Variants in NTSR1 observed in about 807,000 individuals in gnomAD.
NTSR1 encodes neurotensin receptor type 1.
NTSR1 carries 29 observed loss-of-function variants against 31.2 expected under a neutral mutation model. That is an observed-to-expected ratio of 0.93 (90% CI 0.69 to 1.27). The LOEUF is 1.27. Among genes scored for constraint, NTSR1 ranks in the 50% most tolerant of loss-of-function variants. The probability of loss-of-function intolerance (pLI) is 0.00; values close to 1 mark genes in which losing one functional copy is unlikely to be tolerated. For synonymous variants in NTSR1, 282 were observed against 269.9 expected (o/e 1.04, Z -0.44); for missense variants, 697 against 595.4 (o/e 1.17, Z -1.78).
chr20:62,747,854 T>C (rs1180415817), intron 1 of NTSR1, among the ~76,000 whole-genome samples: 1 of 152,214 alleles, frequency 6.6e-6, no homozygotes, highest in East Asian at 1.9e-4. Flanking sequence ...GTTGTGTTTC[T>C]ATACACTAGC....
chr20:62,713,929 A>C (rs1269156427), intron 1 of NTSR1, among the ~76,000 whole-genome samples: 1 of 152,150 alleles, frequency 6.6e-6, no homozygotes, highest in Non-Finnish European at 1.5e-5. Context: ...GCGAAAACCC[A>C]TCTCTACTAA....
chr20:62,749,525 A>G (rs536160217), intron 1 of NTSR1, among the ~76,000 whole-genome samples: 1 of 152,370 alleles, frequency 6.6e-6, no homozygotes, highest in Admixed American at 6.5e-5. Context: ...AGCAACATAA[A>G]TGAGACTACA....
chr20:62,721,176 A>C (rs1299359105), intron 1 of NTSR1, among the ~76,000 whole-genome samples: 2 of 152,094 alleles, frequency 1.3e-5, no homozygotes, highest in Non-Finnish European at 2.9e-5. Context: ...TAGAATTTTT[A>C]TTGGTTCTTT....
In NTSR1 at chr20:62,748,369, G is replaced by A. The variant is rs559145407; in HGVS notation, c.715-6316G>A. On this transcript the variant is annotated intron_variant, in intron 1 of 3. Transcript: ENST00000370501. ...TTCATACTACCCAAAGTGATCTACA[G>A]ATTCAGTGCAATCCCTATCAAAATT... 8.5e-5 allele frequency among the ~76,000 whole-genome samples: 13 copies of A among 152,106 alleles called. No homozygotes were observed. In the South Asian group the frequency reaches 2.7e-3, roughly 32 times the overall value.
rs532939395 is a variant in NTSR1, at chr20:62,714,108, CAGA to C, written c.714+4193_714+4195del. 1.4e-3 allele frequency among the ~76,000 whole-genome samples: 207 copies of C among 152,288 alleles called. 3 individuals carry two copies. The highest frequency in any genetic ancestry group is 4.8e-3 in the African/African-American group (198 of 41,554). On this transcript the variant is annotated intron_variant, in intron 1 of 3. Transcript: ENST00000370501. This position sits in a 1 kb window ranked among gnomAD's most constrained non-coding sequence, Gnocchi z 4.1. ...ACTGTCTCAAAGAAAAAAAAAGTTG[CAGA>C]AGAAGTTCTTCAAGGGGTCCTTAGG...
Position 62,733,424 on chromosome 20 carries a change from C to T in NTSR1, c.715-21261C>T, listed in dbSNP as rs530342083. Reference sequence around the variant, plus strand: ...TCGGGACAGTTGTGTTTCCCTTGGGCAGGGAGCCACTGGCAGCTCCCCAGT... The same window carrying T: ...TCGGGACAGTTGTGTTTCCCTTGGGTAGGGAGCCACTGGCAGCTCCCCAGT... On this transcript the variant is annotated intron_variant, in intron 1 of 3. Transcript: ENST00000370501. This position sits in a 1 kb window ranked among gnomAD's most constrained non-coding sequence, Gnocchi z 5.2. Among the ~76,000 whole-genome samples, 171 of 152,298 alleles carry T rather than the reference C, an allele frequency of 1.1e-3. No homozygotes were observed. The highest frequency in any genetic ancestry group is 4.0e-3 in the African/African-American group (167 of 41,574).
intron 1 of NTSR1, among the ~76,000 whole-genome samples, chr20:62,731,562 GTTA>G (rs1313464880): frequency 1.3e-5 from 2 of 152,088 alleles, no homozygotes; most frequent in East Asian, 1.9e-4. Flanking sequence ...AATAAAATGT[GTTA>G]TTATCTATAA....
intron 1 of NTSR1, 132 bp downstream of exon 1, chr20:62,710,053 G>T: frequency 2.5e-6 from 2 of 806,984 alleles, no homozygotes; most frequent in Non-Finnish European, 3.9e-6. Flanking sequence ...TGGGAAGGCG[G>T]TTGGGGCAGC....
Position 62,709,121 on chromosome 20 carries a change from A to C in NTSR1, c.-87A>C. 1 of 1,134,644 alleles carries C rather than the reference A, an allele frequency of 8.8e-7. No individual in the cohort carries two copies. The highest frequency in any genetic ancestry group is 1.2e-6 in the Non-Finnish European group (1 of 864,262). 70.3% of individuals were successfully genotyped at this position (1,134,644 alleles called of 1,614,324 possible). A position where few individuals can be genotyped will look rare whatever the true frequency, so the allele number is the denominator to read the frequency against. ...CGCGCCCTCCCCTGGGCTCCCGTTC[A>C]TCGGTCCCCGCCTGAGACGCGCCCA... is the stretch of plus-strand genomic sequence containing the variant. On this transcript the variant is annotated 5_prime_UTR_variant, in exon 1 of 4. Transcript: ENST00000370501.
chr20:62,739,124 C>T (rs750973389), intron 1 of NTSR1, among the ~76,000 whole-genome samples: 2 of 152,266 alleles, frequency 1.3e-5, no homozygotes, highest in African/African-American at 2.4e-5. Context: ...TGTCGTGTGG[C>T]GCCGTTGGGG....
chr20:62,723,941 G>T (rs1179851022), intron 1 of NTSR1, among the ~76,000 whole-genome samples: 1 of 152,214 alleles, frequency 6.6e-6, no homozygotes, highest in African/African-American at 2.4e-5. Flanking sequence ...GGCGGAGGCA[G>T]CAGCCTCTGG....
rs146237152 is a variant in NTSR1, at chr20:62,722,589, C to T, written c.714+12668C>T. 5.4e-3 allele frequency among the ~76,000 whole-genome samples: 818 copies of T among 152,318 alleles called. 17 individuals carry two copies. The highest frequency in any genetic ancestry group is 0.032 in the South Asian group (155 of 4,824). On this transcript the variant is annotated intron_variant, in intron 1 of 3. Coordinates refer to ENST00000370501, the MANE Select transcript of NTSR1 (RefSeq NM_002531.3). ...TGCAGATGTAGCCACAGCCACAGCC[C>T]GCATCTCTGATCTCTGCCTCCTTGG...
chr20:62,728,136 AG>A (rs71195468), intron 1 of NTSR1, among the ~76,000 whole-genome samples: 1 of 152,182 alleles, frequency 6.6e-6, no homozygotes, highest in African/African-American at 2.4e-5. Flanking sequence ...ACTGGACAGC[AG>A]GGAGGGCTTC....
chr20:62,745,718 G>A lies in NTSR1; in HGVS notation c.715-8967G>A, dbSNP rs995656883. ...CCAAATCCAGCTTGGCGTGGACCTC[G>A]CTGGGACTGGATGGCCTTCTCTACA... On this transcript the variant is annotated intron_variant, in intron 1 of 3. Coordinates refer to ENST00000370501, the MANE Select transcript of NTSR1 (RefSeq NM_002531.3). This position sits in a 1 kb window ranked among gnomAD's most constrained non-coding sequence, Gnocchi z 4.1. 2.0e-5 allele frequency among the ~76,000 whole-genome samples: 3 copies of A among 152,228 alleles called. No individual in the cohort carries two copies. Among genetic ancestry groups the A allele is most frequent in the South Asian group, 4.1e-4 (2 of 4,834 alleles).
chr20:62,729,589 A>C (rs939467603), intron 1 of NTSR1, among the ~76,000 whole-genome samples: 7 of 151,644 alleles, frequency 4.6e-5, no homozygotes, highest in Non-Finnish European at 1.0e-4. Flanking sequence ...CAGAATCTCC[A>C]GGGCAGAGAC....
chr20:62,757,943 G>A (rs1046340397), intron 2 of NTSR1, among the ~76,000 whole-genome samples: 3 of 151,744 alleles, frequency 2.0e-5, no homozygotes, highest in Non-Finnish European at 2.9e-5. Flanking sequence ...TGTGCCTCAG[G>A]TGCAGTGGGT....
rs1394922778 is a variant in NTSR1, at chr20:62,744,553, T to C, written c.715-10132T>C. On this transcript the variant is annotated intron_variant, in intron 1 of 3. Transcript: ENST00000370501. This position sits in a 1 kb window ranked among gnomAD's most constrained non-coding sequence, Gnocchi z 4.1. ...CTGGGTGACAGAACAAGACTCCGTC[T>C]CAAAAAAAAAAAAAAATACAAAATT... is the stretch of plus-strand genomic sequence containing the variant. Among the ~76,000 whole-genome samples, 1 of 108,656 alleles carries C rather than the reference T, an allele frequency of 9.2e-6. No individual in the cohort carries two copies. Among genetic ancestry groups the C allele is most frequent in the Admixed American group, 1.0e-4 (1 of 9,952 alleles). The allele number at this position is 108,656 out of a possible 152,430, so 71.3% of individuals were successfully genotyped here.
rs370503284 is a variant in NTSR1 at position 62,711,274 on chromosome 20, T to C, written c.714+1353T>C. ...TGGCAGGCAGTGAGTCAGGGCTGCT[T>C]TGCTTCTGCGGCGAGAGTCCCTCCC... On this transcript the variant is annotated intron_variant, in intron 1 of 3. Transcript: ENST00000370501. The surrounding 1 kb of genome is among the most constrained non-coding windows in gnomAD (Gnocchi z 6.4). Among the ~76,000 whole-genome samples, 130 of 152,180 alleles carry C rather than the reference T, an allele frequency of 8.5e-4. 1 individual carries two copies. The Middle Eastern group carries it at 0.017, about 20-fold the overall frequency.
intron 1 of NTSR1, among the ~76,000 whole-genome samples, chr20:62,753,337 C>T (rs1989425314): frequency 2.0e-5 from 3 of 152,182 alleles, no homozygotes; most frequent in East Asian, 1.9e-4. Context: ...CGAGACACGG[C>T]GAGGATTGTC....
Sources: allele counts gnomAD v4.1 joint callset (sites outside exome capture counted in the v4.1 genomes callset), GRCh38; gene constraint gnomAD v4.1.1; non-coding constraint Gnocchi (gnomAD v3.1); transcripts MANE v1.5; gene names NCBI Gene and HGNC (gene_info 2026-07-23, HGNC 2026-07-21).